FRK: variants seen among roughly 807,000 people sequenced by gnomAD.
FRK encodes fyn related Src family tyrosine kinase.
A neutral mutation model predicts 56.4 loss-of-function variants in FRK; 51 were observed. The observed-to-expected ratio is 0.90, with a 90% CI of 0.72 to 1.14. The LOEUF (loss-of-function observed/expected upper bound fraction) is 1.14, where lower values mean the gene tolerates loss of function less well. FRK is among the 50% of genes most tolerant of loss of function. The probability of loss-of-function intolerance (pLI) is 0.00; values close to 1 mark genes in which losing one functional copy is unlikely to be tolerated. For missense variants in FRK, 570 were observed against 601.4 expected, an observed-to-expected ratio of 0.95 and a Z score of 0.55; for synonymous variants, 245 against 217.9, an observed-to-expected ratio of 1.12 and a Z score of -1.10.
chr6:116,021,727 ATCTT>A (rs1775878918), intron 1 of FRK, among the ~76,000 whole-genome samples: 1 of 152,102 alleles, frequency 6.6e-6, no homozygotes, highest in South Asian at 2.1e-4. Context: ...CCTAATGCAA[ATCTT>A]TCTATTGCTT....
At chr6:116,045,394 C>G (rs1201133271) in intron 1 of FRK, among the ~76,000 whole-genome samples, 2 of 152,046 alleles carry the variant, frequency 1.3e-5, no homozygotes, top group Non-Finnish European at 2.9e-5. Flanking sequence ...ATATATAGAC[C>G]AATGGAACAG....
Position 116,003,870 on chromosome 6 carries a change from C to A in FRK, c.466+7G>T, listed in dbSNP as rs748652398. On this transcript the variant is annotated splice_region_variant and intron_variant, in intron 2 of 7. Coordinates refer to ENST00000606080, the MANE Select transcript of FRK (RefSeq NM_002031.3). ...TCATATTGAATGACACAAAACAATA[C>A]CCTTACCTGAAAGAGAGAATTCTCC... The A allele has an allele frequency of 6.2e-7, 1 of 1,613,226 alleles. No homozygotes were observed. Among genetic ancestry groups the A allele is most frequent in the Non-Finnish European group, 8.5e-7 (1 of 1,179,776 alleles).
At chr6:116,063,435 G>C (rs2104032), upstream of FRK, among the ~76,000 whole-genome samples, 58,178 of 151,786 alleles carry the variant, frequency 0.38, 12,279 homozygotes, top group East Asian at 0.78. Context: ...AGGACTTTAT[G>C]CTAATGAAAT....
chr6:116,046,230 T>A (rs1162248127), intron 1 of FRK, among the ~76,000 whole-genome samples: 1 of 152,244 alleles, frequency 6.6e-6, no homozygotes, highest in African/African-American at 2.4e-5. Flanking sequence ...TGGTGATTCC[T>A]CAAGGATCTA....
intron 5 of FRK, among the ~76,000 whole-genome samples, chr6:115,953,180 A>AT (rs1554224845): frequency 0.014 from 1,425 of 104,230 alleles, 142 homozygotes; most frequent in South Asian, 0.041. Context: ...TTTTAAGGCC[A>AT]TTTTTTTTTT....
chr6:116,061,446 C>T (rs1397551344), upstream of FRK, among the ~76,000 whole-genome samples: 1 of 150,732 alleles, frequency 6.6e-6, no homozygotes, highest in African/African-American at 2.5e-5. Flanking sequence ...TACACACCAA[C>T]TAGGTGACCA....
chr6:116,046,516 C>G (rs1397148989), intron 1 of FRK, among the ~76,000 whole-genome samples: 1 of 152,058 alleles, frequency 6.6e-6, no homozygotes, highest in East Asian at 1.9e-4. Flanking sequence ...TCTTTCTCAG[C>G]AAACTAACAC....
chr6:116,063,774 A>C (rs978974911), upstream of FRK, among the ~76,000 whole-genome samples: 5 of 152,220 alleles, frequency 3.3e-5, no homozygotes, highest in South Asian at 1.0e-3. Context: ...GAATGTTACA[A>C]ATAACATATC....
chr6:116,007,877 CAT>C lies in FRK; in HGVS notation c.345-3881_345-3880del, dbSNP rs1582706958. Among the ~76,000 whole-genome samples the C allele has an allele frequency of 2.0e-5, 3 of 152,026 alleles. No homozygotes were observed. The East Asian group carries it at 5.8e-4, about 29-fold the overall frequency. The stretch of plus-strand genomic sequence containing the variant: ...AATACAGCATTTGAAAGTTGGGGCA[CAT>C]AAATTTTAATGCATGTATTTAGAAA... On this transcript the variant is annotated intron_variant, in intron 1 of 7. Coordinates refer to ENST00000606080, the MANE Select transcript of FRK (RefSeq NM_002031.3).
intron 3 of FRK, among the ~76,000 whole-genome samples, chr6:115,967,940 G>A (rs1355096058): frequency 6.6e-6 from 1 of 151,956 alleles, no homozygotes; most frequent in Non-Finnish European, 1.5e-5. Flanking sequence ...CAGGCACCTC[G>A]TTGTCTACCT....
chr6:115,954,600 T>G (rs746405389), intron 5 of FRK, among the ~76,000 whole-genome samples: 3 of 152,022 alleles, frequency 2.0e-5, no homozygotes, highest in Admixed American at 6.6e-5. Context: ...ACTGCAAGAG[T>G]AGCAGATTAC....
intron 1 of FRK, among the ~76,000 whole-genome samples, chr6:116,051,204 C>A (rs377041938): frequency 1.0e-3 from 155 of 152,152 alleles, no homozygotes; most frequent in African/African-American, 3.5e-3. Flanking sequence ...AAAGTTCAAA[C>A]GTTCCTATTA....
intron 2 of FRK, among the ~76,000 whole-genome samples, chr6:115,978,022 A>T (rs1666131734): frequency 6.6e-6 from 1 of 152,212 alleles, no homozygotes; most frequent in Admixed American, 6.6e-5. Context: ...CCATGAAAAC[A>T]GCATTTACAG....
At chr6:116,066,998 G>A in the FRK span, among the ~76,000 whole-genome samples, 1 of 152,068 alleles carries the variant, frequency 6.6e-6, no homozygotes, top group Non-Finnish European at 1.5e-5. Context: ...GACCTTATTT[G>A]GAAATACGGT....
At chr6:116,075,739 G>A in the FRK span, among the ~76,000 whole-genome samples, 3 of 152,116 alleles carry the variant, frequency 2.0e-5, no homozygotes, top group East Asian at 3.9e-4. Flanking sequence ...ATGATATTAC[G>A]GTCCTTTGCT....
In FRK at chr6:115,936,617, T is replaced by A. The variant is rs553078884; in HGVS notation, c.*5797A>T. ...GAATTGCTAACTAGAATAACAAGTA[T>A]AGAGAAGCACATAAATGACCTGATG... On this transcript the variant is annotated 3_prime_UTR_variant, in exon 8 of 8. Transcript: ENST00000606080. The A allele has an allele frequency of 5.3e-5, 8 of 152,158 alleles. No homozygotes were observed. In the East Asian group the frequency reaches 1.2e-3, roughly 22 times the overall value. The allele number at this position is 152,158 out of a possible 1,614,324, so 9.4% of individuals were successfully genotyped here. A position where few individuals can be genotyped will look rare whatever the true frequency, so the allele number is the denominator to read the frequency against.
chr6:115,953,100 A>C (rs574027268), intron 5 of FRK, among the ~76,000 whole-genome samples: 3 of 143,638 alleles, frequency 2.1e-5, no homozygotes, highest in African/African-American at 7.4e-5. Flanking sequence ...TTTTTTAAAA[A>C]AAGAAAAAAA....
chr6:116,100,678 G>A, the FRK span, among the ~76,000 whole-genome samples: 12 of 152,182 alleles, frequency 7.9e-5, no homozygotes, highest in African/African-American at 2.9e-4. Context: ...CGGCATTGGG[G>A]TACCAGGAGG....
At chr6:115,965,021 A>G (rs1582656776) in intron 4 of FRK, among the ~76,000 whole-genome samples, 1 of 6,338 alleles carries the variant, frequency 1.6e-4, no homozygotes, top group African/African-American at 1.8e-4. Context: ...ATCAAAAGCA[A>G]TGGCAACAAA....
Sources: allele counts gnomAD v4.1 joint callset (sites outside exome capture counted in the v4.1 genomes callset), GRCh38; gene constraint gnomAD v4.1.1; transcripts MANE v1.5; gene names NCBI Gene and HGNC (gene_info 2026-07-23, HGNC 2026-07-21).